Variants in RGS7 observed in about 807,000 individuals in gnomAD.
RGS7 encodes the protein regulator of G-protein signaling 7.
Under a neutral mutation model 81.1 loss-of-function variants are expected in RGS7, and 27 were observed. The ratio of observed to expected loss-of-function variants is 0.33; its 90% CI spans 0.25 to 0.46. RGS7 has a LOEUF of 0.46. Ranked by LOEUF, RGS7 falls within the 20% of genes least tolerant of loss-of-function variation. The pLI, the probability that RGS7 is intolerant of heterozygous loss-of-function variation, is 1.00. For synonymous variants in RGS7, 208 were observed against 207.7 expected (o/e 1.00, Z -0.01); for missense variants, 396 against 607.4 (o/e 0.65, Z 3.66).
chr1:240,873,793 C>T (rs975247921), intron 6 of RGS7, among the ~76,000 whole-genome samples: 1 of 152,060 alleles, frequency 6.6e-6, no homozygotes, highest in Non-Finnish European at 1.5e-5. Context: ...ACTAGAACTA[C>T]AAAAGTCCAA....
intron 5 of RGS7, among the ~76,000 whole-genome samples, chr1:240,934,947 G>A (rs554450484): frequency 9.1e-4 from 125 of 138,100 alleles, no homozygotes; most frequent in African/African-American, 3.2e-3. Context: ...GGAGTGCAGT[G>A]GCACAATCTC....
chr1:241,135,960 CA>C (rs61617683), intron 2 of RGS7, among the ~76,000 whole-genome samples: 1,263 of 74,302 alleles, frequency 0.017, 6 homozygotes, highest in Middle Eastern at 0.036. Flanking sequence ...ATGATAATGA[CA>C]AAAAAAAAAA....
chr1:241,110,712 CAG>C (rs1479507617), intron 2 of RGS7, among the ~76,000 whole-genome samples: 1 of 142,140 alleles, frequency 7.0e-6, no homozygotes, highest in East Asian at 2.0e-4. Context: ...TTTTTTGAGA[CAG>C]AGTCTCACTC....
intron 2 of RGS7, among the ~76,000 whole-genome samples, chr1:241,107,342 T>C (rs1048350762): frequency 2.6e-5 from 4 of 152,350 alleles, no homozygotes; most frequent in South Asian, 2.1e-4. Flanking sequence ...AATGTGACTA[T>C]ATGGCCTGAG....
intron 3 of RGS7, among the ~76,000 whole-genome samples, chr1:241,074,255 C>T (rs1318652473): frequency 6.6e-6 from 1 of 152,006 alleles, no homozygotes; most frequent in Non-Finnish European, 1.5e-5. Flanking sequence ...TGGTTTATGC[C>T]ACCCAAAGAA....
At chr1:241,021,153 A>T (rs1055050878) in intron 3 of RGS7, among the ~76,000 whole-genome samples, 5 of 152,164 alleles carry the variant, frequency 3.3e-5, no homozygotes, top group Non-Finnish European at 5.9e-5. Flanking sequence ...TGCATGCATC[A>T]GTAACAATGA....
chr1:241,201,332 T>C (rs922446393), intron 2 of RGS7, among the ~76,000 whole-genome samples: 16 of 152,148 alleles, frequency 1.1e-4, no homozygotes, highest in Non-Finnish European at 8.8e-5. Context: ...ATCATGAAAA[T>C]TTCCTGCCTT....
intron 9 of RGS7, among the ~76,000 whole-genome samples, chr1:240,849,320 G>C (rs1238208617): frequency 3.3e-5 from 5 of 152,074 alleles, no homozygotes; most frequent in Admixed American, 3.3e-4. Flanking sequence ...GCCTGGCTTT[G>C]AGCAGCATCC....
chr1:241,044,855 G>A (rs2060832479), intron 3 of RGS7, among the ~76,000 whole-genome samples: 2 of 152,130 alleles, frequency 1.3e-5, no homozygotes, highest in African/African-American at 4.8e-5. Flanking sequence ...CAAGAATTTA[G>A]AGCAATGCTT....
chr1:241,346,459 T>G (rs373278517), intron 2 of RGS7, among the ~76,000 whole-genome samples: 4 of 152,216 alleles, frequency 2.6e-5, no homozygotes, highest in African/African-American at 9.6e-5. Context: ...CTCATTTATC[T>G]AGAGAGCAAC....
chr1:241,287,461 C>G (rs547995718), intron 2 of RGS7, among the ~76,000 whole-genome samples: 1 of 152,194 alleles, frequency 6.6e-6, no homozygotes, highest in Non-Finnish European at 1.5e-5. Context: ...TAAGACGTGA[C>G]TTTGCTCCTC....
At chr1:241,292,563 T>C (rs373735919) in intron 2 of RGS7, among the ~76,000 whole-genome samples, 8 of 152,142 alleles carry the variant, frequency 5.3e-5, no homozygotes, top group African/African-American at 1.2e-4. Context: ...AGACAAATAG[T>C]TGGGATAAAA....
At chr1:241,002,292 C>CAA (rs556314548) in intron 3 of RGS7, among the ~76,000 whole-genome samples, 5 of 144,652 alleles carry the variant, frequency 3.5e-5, no homozygotes, top group African/African-American at 5.0e-5. Context: ...ACTAAAAATG[C>CAA]AAAAAAAAAA....
chr1:240,923,221 T>A lies in RGS7; in HGVS notation c.385+7496A>T, dbSNP rs76916703. ...GGATAAATAGGCAGAACACAGAGAATCTTTAGGGCAGTGAAACTAAATGGT... is the reference window on the plus strand; with the variant it reads ...GGATAAATAGGCAGAACACAGAGAAACTTTAGGGCAGTGAAACTAAATGGT... On this transcript the variant is annotated intron_variant, in intron 6 of 18. Transcript: ENST00000440928. Among the ~76,000 whole-genome samples the A allele has an allele frequency of 1.7e-3, 257 of 152,078 alleles. 9 individuals are homozygous for A. In the East Asian group the frequency reaches 0.047, roughly 28 times the overall value.
At chr1:241,182,399 G>T (rs1284369578) in intron 2 of RGS7, among the ~76,000 whole-genome samples, 1 of 152,192 alleles carries the variant, frequency 6.6e-6, no homozygotes, top group East Asian at 1.9e-4. Flanking sequence ...GCAACTGAGA[G>T]AATTGAATGA....
In RGS7 at chr1:240,868,990, A is replaced by G; in HGVS notation, c.451-138T>C. 1.3e-6 allele frequency: 1 copy of G among 781,006 alleles called. No individual in the cohort carries two copies. The allele number at this position is 781,006 out of a possible 1,614,324, so 48.4% of individuals were successfully genotyped here. ...AAGTGTACTGTGGTTCTCAATGATA[A>G]GTCATGCTCCCTGAATTCAGCTCAT... On this transcript the variant is annotated intron_variant, in intron 7 of 18. Coordinates refer to ENST00000440928, the MANE Select transcript of RGS7 (RefSeq NM_001364886.1). This position sits in a 1 kb window ranked among gnomAD's most constrained non-coding sequence, Gnocchi z 5.1.
At chr1:241,318,519 C>A (rs2081021388) in intron 2 of RGS7, among the ~76,000 whole-genome samples, 1 of 151,696 alleles carries the variant, frequency 6.6e-6, no homozygotes, top group Non-Finnish European at 1.5e-5. Context: ...TGCAATGGTG[C>A]AATCTTGGCT....
At chr1:240,929,286 A>G (rs769226117) in intron 6 of RGS7, among the ~76,000 whole-genome samples, 6 of 152,144 alleles carry the variant, frequency 3.9e-5, no homozygotes, top group African/African-American at 7.2e-5. Flanking sequence ...GCATTATCCT[A>G]GCTTGAATAA....
chr1:240,933,208 C>A (rs1004961785), intron 5 of RGS7, among the ~76,000 whole-genome samples: 1 of 151,638 alleles, frequency 6.6e-6, no homozygotes, highest in Admixed American at 6.6e-5. Context: ...ATGCTTCTTA[C>A]GGAGTGCATT....
Sources: allele counts gnomAD v4.1 joint callset (sites outside exome capture counted in the v4.1 genomes callset), GRCh38; gene constraint gnomAD v4.1.1; non-coding constraint Gnocchi (gnomAD v3.1); transcripts MANE v1.5; gene names NCBI Gene and HGNC (gene_info 2026-07-23, HGNC 2026-07-21).